The following CCDC186 variants were observed in gnomAD, a reference collection of about 807,000 sequenced individuals.
CCDC186 encodes the protein coiled-coil domain-containing protein 186.
CCDC186 carries 49 observed loss-of-function variants against 113.7 expected under a neutral mutation model. The observed-to-expected ratio is 0.43, with a 90% CI of 0.34 to 0.55. The LOEUF is 0.55. CCDC186 is among the 20% of genes least tolerant of loss of function. The probability of loss-of-function intolerance (pLI) is 0.02; values close to 1 mark genes in which losing one functional copy is unlikely to be tolerated. For synonymous variants in CCDC186, 355 were observed against 345.8 expected (o/e 1.03, Z -0.30); for missense variants, 890 against 1,011.1 (o/e 0.88, Z 1.62).
Position 114,138,954 on chromosome 10 carries a change from C to G in CCDC186, c.1222-1664G>C, listed in dbSNP as rs563650052. On this transcript the variant is annotated intron_variant, in intron 6 of 15. Transcript: ENST00000369287. ...GCTTCCCTTCAGAAAAAAGGCAGAT[C>G]AGATGCCGCCTACTCTGCTTTTCCA... 2.6e-5 allele frequency among the ~76,000 whole-genome samples: 4 copies of G among 152,304 alleles called. No homozygotes were observed. In the East Asian group the frequency reaches 7.7e-4, roughly 29 times the overall value.
intron 13 of CCDC186, 52 bp from the exon 14 acceptor site, chr10:114,127,723 C>G: frequency 7.1e-7 from 1 of 1,398,666 alleles, no homozygotes; most frequent in Non-Finnish European, 1.0e-6. Flanking sequence ...AACATCACCT[C>G]TCATCTCATA....
intron 1 of CCDC186, chr10:114,165,826 C>A (rs899217642): frequency 6.0e-6 from 5 of 838,580 alleles, no homozygotes; most frequent in Non-Finnish European, 5.6e-6. Context: ...CCAGCCTGGG[C>A]AACAGAGCGA....
chr10:114,129,843 A>G, intron 13 of CCDC186, 48 bp downstream of exon 13: 6 of 1,569,892 alleles, frequency 3.8e-6, no homozygotes, highest in Non-Finnish European at 5.3e-6. Context: ...AATGCTATTT[A>G]TTTTTATATC....
At chr10:114,148,482 A>C (rs1377169457) in intron 4 of CCDC186, among the ~76,000 whole-genome samples, 1 of 152,230 alleles carries the variant, frequency 6.6e-6, no homozygotes, top group Non-Finnish European at 1.5e-5. Context: ...GTAAAACATG[A>C]ATAAGATAAT....
intron 14 of CCDC186, 33 bp from the exon 15 acceptor site, chr10:114,126,138 C>A (rs778857885): frequency 1.3e-6 from 2 of 1,550,384 alleles, no homozygotes; most frequent in African/African-American, 2.8e-5. Flanking sequence ...CAGTTGTGTA[C>A]TTGTAGAATT....
Position 114,157,647 on chromosome 10 carries a change from G to A in CCDC186, c.666C>T (p.Leu222=). ...LIKENKKHQE[L]FVDICSEKDN... ...CTTTTTCTGAACAAATGTCTACGAAGAGCTCCTGATGCTTCTTATTTTCTT... is the reference window on the plus strand; with the variant it reads ...CTTTTTCTGAACAAATGTCTACGAAAAGCTCCTGATGCTTCTTATTTTCTT... Residue 222 remains leucine, a synonymous_variant, in exon 3 of 16, where the codon CTC becomes CTT. Coordinates refer to ENST00000369287, the MANE Select transcript of CCDC186 (RefSeq NM_018017.4). 2 of 1,604,990 alleles carry A rather than the reference G, an allele frequency of 1.2e-6. No homozygotes were observed. Among genetic ancestry groups the A allele is most frequent in the Non-Finnish European group, 8.5e-7 (1 of 1,175,976 alleles).
rs1331559891 is a variant in CCDC186, at chr10:114,163,058, G to C, written c.211C>G (p.Pro71Ala). The stretch of plus-strand genomic sequence containing the variant: ...GAATCCTCACCTCCACCATGATCTG[G>C]AATATAATTTTCCTGGGCTTCAATT... ...NRIEAQENYIPDHGGGEDSCA... is the reference protein window; with the variant it reads ...NRIEAQENYIADHGGGEDSCA... The change falls in exon 2 of 16, where the codon CCA becomes GCA. Residue 71 changes from proline to alanine, a missense_variant. Transcript: ENST00000369287. The C allele has an allele frequency of 1.9e-6, 3 of 1,614,038 alleles. No homozygotes were observed. The highest frequency in any genetic ancestry group is 1.7e-5 in the Admixed American group (1 of 60,014).
intron 3 of CCDC186, among the ~76,000 whole-genome samples, chr10:114,153,806 A>C (rs539401757): frequency 1.3e-5 from 2 of 151,588 alleles, no homozygotes; most frequent in African/African-American, 2.4e-5. Context: ...AAAAAAAAGA[A>C]GACAGGGTAT....
chr10:114,132,556 G>C (rs2031121531), intron 10 of CCDC186, among the ~76,000 whole-genome samples: 1 of 152,116 alleles, frequency 6.6e-6, no homozygotes, highest in Admixed American at 6.6e-5. Context: ...TAGGCTTCTG[G>C]GTCATATGGT....
intron 14 of CCDC186, among the ~76,000 whole-genome samples, chr10:114,126,381 A>G (rs2030901780): frequency 2.6e-5 from 4 of 152,152 alleles, no homozygotes; most frequent in Admixed American, 2.0e-4. Context: ...TAAAGAGATA[A>G]GGTCTCATTT....
intron 4 of CCDC186, among the ~76,000 whole-genome samples, chr10:114,149,838 A>AAGGCAGGC (rs1170943023): frequency 4.9e-4 from 53 of 107,742 alleles, no homozygotes; most frequent in African/African-American, 7.3e-4. Context: ...GGAAGGCAGG[A>AAGGCAGGC]AGGCAGGCAG....
intron 3 of CCDC186, among the ~76,000 whole-genome samples, chr10:114,156,297 T>C (rs1022280487): frequency 2.0e-5 from 3 of 152,230 alleles, no homozygotes; most frequent in African/African-American, 7.2e-5. Flanking sequence ...TGAGACAAAA[T>C]ACTTTTAAGG....
chr10:114,143,119 G>T (rs1180722677), intron 6 of CCDC186, among the ~76,000 whole-genome samples: 1 of 152,128 alleles, frequency 6.6e-6, no homozygotes, highest in Non-Finnish European at 1.5e-5. Context: ...CAATATGCTT[G>T]TTCATTTTCT....
At chr10:114,144,047 T>G (rs1430544923) in intron 6 of CCDC186, among the ~76,000 whole-genome samples, 3 of 152,010 alleles carry the variant, frequency 2.0e-5, no homozygotes, top group Non-Finnish European at 2.9e-5. Context: ...TTATATTATA[T>G]TTAAATAAGA....
Position 114,144,560 on chromosome 10 carries a change from G to A in CCDC186, c.1158C>T (p.Asn386=), listed in dbSNP as rs2031577737. Residue 386 remains asparagine (N), a synonymous_variant, in exon 6 of 16, where the codon AAC becomes AAT. Transcript: ENST00000369287. ...CCCACTTTACTTTGATGACGTGAGAGTTAATGTCTTCCTTTAATTTGTCTA... is the reference window on the plus strand; with the variant it reads ...CCCACTTTACTTTGATGACGTGAGAATTAATGTCTTCCTTTAATTTGTCTA... The part of the protein sequence containing the change: ...REIDKLKEDI[N]SHVIKVKWAQ... The A allele has an allele frequency of 6.2e-7, 1 of 1,613,134 alleles. No individual in the cohort carries two copies. The highest frequency in any genetic ancestry group is 2.2e-5 in the East Asian group (1 of 44,784).
Position 114,123,700 on chromosome 10 carries a change from GAA to G in CCDC186, c.*1441_*1442del, listed in dbSNP as rs905871744. The G allele has an allele frequency of 2.6e-5, 4 of 152,118 alleles. No homozygotes were observed. Among genetic ancestry groups the G allele is most frequent in the Non-Finnish European group, 4.4e-5 (3 of 68,010 alleles). 9.4% of individuals were successfully genotyped at this position (152,118 alleles called of 1,614,324 possible). ...GTAAGTGAGAAATAATAAGGGGTGA[GAA>G]AAAATTCAATGACAGAAATATTGAT... On this transcript the variant is annotated 3_prime_UTR_variant, in exon 16 of 16. Coordinates refer to ENST00000369287, the MANE Select transcript of CCDC186 (RefSeq NM_018017.4).
rs2032631598 is a variant in CCDC186 at position 114,174,190 on chromosome 10, A to T, written c.-237T>A. The stretch of plus-strand genomic sequence containing the variant: ...TTCCCCAAACCCCTGCGGAGCTGAC[A>T]CATCAACAAAGATGGCGGCGACACT... On this transcript the variant is annotated 5_prime_UTR_variant, in exon 1 of 16. Transcript: ENST00000369287. The T allele has an allele frequency of 2.3e-6, 1 of 441,812 alleles. No individual in the cohort carries two copies. Among genetic ancestry groups the T allele is most frequent in the African/African-American group, 2.0e-5 (1 of 49,140 alleles). 27.4% of individuals were successfully genotyped at this position (441,812 alleles called of 1,614,324 possible).
chr10:114,135,041 T>C lies in CCDC186; in HGVS notation c.1527A>G (p.Glu509=). The change falls in exon 10 of 16, where the codon GAA becomes GAG. Residue 509 remains glutamate (E), a synonymous_variant. Transcript: ENST00000369287. ...CATCTTCTGTTCTTAATCGTTCATC[T>C]TCTAGACATTTCACCTATCAAATGA... The part of the protein sequence containing the change: ...RTLRTKVKCL[E]DERLRTEDEL... 1.2e-6 allele frequency: 2 copies of C among 1,606,538 alleles called. No individual in the cohort carries two copies. The highest frequency in any genetic ancestry group is 1.7e-6 in the Non-Finnish European group (2 of 1,178,186).
At chr10:114,127,752 C>A (rs769701314) in intron 13 of CCDC186, 81 bp from the exon 14 acceptor site, 10 of 1,213,286 alleles carry the variant, frequency 8.2e-6, no homozygotes, top group Non-Finnish European at 1.2e-5. Flanking sequence ...ATTCCAGCAT[C>A]ATTTCAAATA....
Sources: gnomAD v4.1 joint callset for allele counts (sites outside exome capture counted in the v4.1 genomes callset) on GRCh38, gnomAD v4.1.1 for gene constraint, MANE v1.5 for transcripts, NCBI Gene and HGNC (gene_info 2026-07-23, HGNC 2026-07-21) for gene names.